Variants in ETS1 observed in about 807,000 individuals in gnomAD.
ETS1 encodes the protein ETS proto-oncogene 1, transcription factor, also known as protein C-ets-1.
In ETS1, 15 loss-of-function variants were observed where a neutral mutation model predicts 58.6. The observed-to-expected ratio is 0.26, with a 90% CI of 0.17 to 0.39. ETS1 has a LOEUF of 0.39. Ranked by LOEUF, ETS1 falls within the 10% of genes least tolerant of loss-of-function variation. The probability of loss-of-function intolerance (pLI) is 1.00; values close to 1 mark genes in which losing one functional copy is unlikely to be tolerated. For missense variants in ETS1, 417 were observed against 610.5 expected (o/e 0.68, Z 3.34); for synonymous variants, 214 against 218.2 (o/e 0.98, Z 0.17).
chr11:128,465,794 G>A (rs575949086), intron 8 of ETS1, among the ~76,000 whole-genome samples: 4 of 152,198 alleles, frequency 2.6e-5, no homozygotes, highest in Non-Finnish European at 5.9e-5. Flanking sequence ...CTCTACACTC[G>A]TTTCCTTCAT....
chr11:128,571,516 A>G lies in ETS1; in HGVS notation c.69+1546T>C, dbSNP rs1864632807. Among the ~76,000 whole-genome samples, 29 of 19,318 alleles carry G rather than the reference A, an allele frequency of 1.5e-3. 6 individuals carry two copies. The highest frequency in any genetic ancestry group is 8.2e-3 in the African/African-American group (28 of 3,434). The allele number at this position is 19,318 out of a possible 152,430, so 12.7% of individuals were successfully genotyped here. A position where few individuals can be genotyped will look rare whatever the true frequency, so the allele number is the denominator to read the frequency against. ...AAGACTCCGTCAAAAAAAAAAAAAA[A>G]AAAAAAAAAAAAAAAAAAAAAAAAA... On this transcript the variant is annotated intron_variant, in intron 2 of 9. Transcript: ENST00000392668.
chr11:128,570,102 C>T (rs1282399069), intron 2 of ETS1, among the ~76,000 whole-genome samples: 4 of 152,110 alleles, frequency 2.6e-5, no homozygotes, highest in Non-Finnish European at 5.9e-5. Context: ...TATTCTCCCA[C>T]AATTTTGAGA....
At chr11:128,479,215 A>T (rs550215959) in intron 8 of ETS1, among the ~76,000 whole-genome samples, 1 of 152,324 alleles carries the variant, frequency 6.6e-6, no homozygotes, top group East Asian at 1.9e-4. Flanking sequence ...CTCAATAGAA[A>T]CACAGATCTT....
At chr11:128,567,032 A>G (rs1864517895) in intron 2 of ETS1, among the ~76,000 whole-genome samples, 1 of 152,242 alleles carries the variant, frequency 6.6e-6, no homozygotes, top group South Asian at 2.1e-4. Flanking sequence ...CGATCAATCA[A>G]TTACGGAAGG....
At chr11:128,468,722 C>T (rs565120167) in intron 8 of ETS1, among the ~76,000 whole-genome samples, 2 of 152,256 alleles carry the variant, frequency 1.3e-5, no homozygotes, top group South Asian at 4.2e-4. Context: ...CCAAGACCAC[C>T]CCATTGGTTT....
intron 1 of ETS1, among the ~76,000 whole-genome samples, chr11:128,581,941 G>C (rs1018081578): frequency 6.6e-6 from 1 of 152,136 alleles, no homozygotes; most frequent in Non-Finnish European, 1.5e-5. Flanking sequence ...AAAGATACCA[G>C]CTGCCTTAGA....
At chr11:128,587,165 A>G (rs1026379401) in intron 1 of ETS1, among the ~76,000 whole-genome samples, 1 of 67,854 alleles carries the variant, frequency 1.5e-5, no homozygotes, top group African/African-American at 7.6e-5. Context: ...AAGTGCTCCA[A>G]TTTGCAAAAA....
Position 128,463,414 on chromosome 11 carries a change from A to G in ETS1, c.1242+95T>C. Reference sequence around the variant, plus strand: ...GCAAGTGGCAGAGCTGGGAATCCCAATCCTGGAACACGTCATTCAGGCCCA... The same window carrying G: ...GCAAGTGGCAGAGCTGGGAATCCCAGTCCTGGAACACGTCATTCAGGCCCA... On this transcript the variant is annotated intron_variant, in intron 9 of 9. Transcript: ENST00000392668. The surrounding 1 kb of genome is among the most constrained non-coding windows in gnomAD (Gnocchi z 4.1). 1 of 754,724 alleles carries G rather than the reference A, an allele frequency of 1.3e-6. No individual in the cohort carries two copies. The allele number at this position is 754,724 out of a possible 1,614,324, so 46.8% of individuals were successfully genotyped here.
rs1247098831 is a variant in ETS1, at chr11:128,458,899, C to T, written c.*3462G>A. ...ACTAAAATAAACAAACAAAAAACTC[C>T]GCCATAAGAATTTTTTTGCATTTTT... is the stretch of plus-strand genomic sequence containing the variant. On this transcript the variant is annotated 3_prime_UTR_variant, in exon 10 of 10. Transcript: ENST00000392668. This position sits in a 1 kb window ranked among gnomAD's most constrained non-coding sequence, Gnocchi z 4.3. 3.3e-5 allele frequency: 5 copies of T among 152,494 alleles called. No homozygotes were observed. Among genetic ancestry groups the T allele is most frequent in the Admixed American group, 6.6e-5 (1 of 15,250 alleles). The allele number at this position is 152,494 out of a possible 1,614,324, so 9.4% of individuals were successfully genotyped here. A position where few individuals can be genotyped will look rare whatever the true frequency, so the allele number is the denominator to read the frequency against.
intron 2 of ETS1, among the ~76,000 whole-genome samples, chr11:128,571,116 G>A (rs1344318333): frequency 6.6e-6 from 1 of 151,790 alleles, no homozygotes; most frequent in African/African-American, 2.4e-5. Flanking sequence ...GAGAGTTTTT[G>A]GTTTTTTTTA....
chr11:128,480,234 C>T lies in ETS1; in HGVS notation c.1080G>A (p.Lys360=), dbSNP rs1212337397. The T allele has an allele frequency of 5.0e-6, 8 of 1,613,912 alleles. No homozygotes were observed. The highest frequency in any genetic ancestry group is 1.3e-5 in the African/African-American group (1 of 74,870). The change falls in exon 8 of 10, where the codon AAG becomes AAA. Residue 360 remains lysine, a synonymous_variant. Coordinates refer to ENST00000392668, the MANE Select transcript of ETS1 (RefSeq NM_001143820.2). Reference sequence around the variant, plus strand: ...CAGCAGCAGGAATGACAGGCTTGTCCTTATTGAGGTCAGCACGGTCCCGCA... The same window carrying T: ...CAGCAGCAGGAATGACAGGCTTGTCTTTATTGAGGTCAGCACGGTCCCGCA... ...DYVRDRADLN[K]DKPVIPAAAL... is the part of the protein sequence containing the mutation.
chr11:128,466,630 G>C (rs750878361), intron 8 of ETS1, among the ~76,000 whole-genome samples: 1 of 152,142 alleles, frequency 6.6e-6, no homozygotes, highest in South Asian at 2.1e-4. Context: ...TACGGGACCC[G>C]GTGAGTCTGG....
At position 128,459,688 on chromosome 11, in the gene ETS1, T is replaced by C. The variant is rs1861853935; in HGVS notation, c.*2673A>G. ...CCACCACTCTTCCTGGGATGGTCTC[T>C]GGCCTTTGGACAAAGGAGAAAAAAC... is the stretch of plus-strand genomic sequence containing the variant. On this transcript the variant is annotated 3_prime_UTR_variant, in exon 10 of 10. Coordinates refer to ENST00000392668, the MANE Select transcript of ETS1 (RefSeq NM_001143820.2). The C allele has an allele frequency of 6.5e-6, 1 of 152,836 alleles. No individual in the cohort carries two copies. The highest frequency in any genetic ancestry group is 1.5e-5 in the Non-Finnish European group (1 of 68,052). 9.5% of individuals were successfully genotyped at this position (152,836 alleles called of 1,614,324 possible).
chr11:128,508,812 G>T (rs1863311437), intron 3 of ETS1, among the ~76,000 whole-genome samples: 1 of 152,090 alleles, frequency 6.6e-6, no homozygotes, highest in Non-Finnish European at 1.5e-5. Flanking sequence ...CGTGTAGGCA[G>T]AGCCTAGTGT....
intron 1 of ETS1, among the ~76,000 whole-genome samples, chr11:128,580,259 AC>A (rs1947742703): frequency 6.6e-6 from 1 of 151,618 alleles, no homozygotes; most frequent in Non-Finnish European, 1.5e-5. Flanking sequence ...TCAAGAGTTA[AC>A]TACAAGCAAG....
intron 3 of ETS1, among the ~76,000 whole-genome samples, chr11:128,553,699 C>T (rs1367744083): frequency 6.6e-6 from 1 of 151,502 alleles, no homozygotes; most frequent in East Asian, 1.9e-4. Flanking sequence ...CCGCCACCCT[C>T]CTCCTCCTCC....
intron 8 of ETS1, among the ~76,000 whole-genome samples, chr11:128,467,082 A>C (rs903682281): frequency 1.3e-5 from 2 of 152,144 alleles, no homozygotes; most frequent in Non-Finnish European, 1.5e-5. Context: ...CTGACTCCTA[A>C]ACTGCCTTTT....
intron 2 of ETS1, among the ~76,000 whole-genome samples, chr11:128,561,003 G>T (rs1864397316): frequency 1.3e-5 from 2 of 152,168 alleles, no homozygotes; most frequent in African/African-American, 4.8e-5. Context: ...AGGTAAAAAA[G>T]AACATATACA....
In ETS1 at chr11:128,460,541, A is replaced by T. The variant is rs1861882220; in HGVS notation, c.*1820T>A. 1 of 152,378 alleles carries T rather than the reference A, an allele frequency of 6.6e-6. No individual in the cohort carries two copies. Among genetic ancestry groups the T allele is most frequent in the Admixed American group, 6.5e-5 (1 of 15,292 alleles). The allele number at this position is 152,378 out of a possible 1,614,324, so 9.4% of individuals were successfully genotyped here. ...AATATTTCTTTCCTTCTCTCATGGA[A>T]GTCCATAAAAGCCACCCCTCCTCCT... On this transcript the variant is annotated 3_prime_UTR_variant, in exon 10 of 10. Transcript: ENST00000392668.
Sources: gnomAD v4.1 joint callset for allele counts (sites outside exome capture counted in the v4.1 genomes callset) on GRCh38, gnomAD v4.1.1 for gene constraint, Gnocchi (gnomAD v3.1) non-coding constraint, MANE v1.5 for transcripts, NCBI Gene and HGNC (gene_info 2026-07-23, HGNC 2026-07-21) for gene names.